Variants in DOK7 observed in about 807,000 individuals in gnomAD.
DOK7 encodes protein Dok-7.
Under a neutral mutation model 30.7 loss-of-function variants are expected in DOK7, and 32 were observed. The ratio of observed to expected loss-of-function variants is 1.04; its 90% CI spans 0.79 to 1.40. The LOEUF is 1.40. DOK7 is among the 40% of genes most tolerant of loss of function. The pLI is 0.00. For missense variants in DOK7, 1,007 were observed against 699.2 expected, an observed-to-expected ratio of 1.44 and a Z score of -4.97; for synonymous variants, 447 against 324.1, an observed-to-expected ratio of 1.38 and a Z score of -4.07.
chr4:3,500,701 C>A, exon 8 of DOK7: 1 of 1,535,818 alleles, frequency 6.5e-7, no homozygotes, highest in African/African-American at 1.4e-5. Flanking sequence ...GGGGCTGGCG[C>A]CTCCCTCTAC....
downstream of DOK7, among the ~76,000 whole-genome samples, chr4:3,496,232 C>G (rs139178976): frequency 3.1e-4 from 47 of 152,378 alleles, no homozygotes; most frequent in African/African-American, 1.1e-3. Flanking sequence ...CCGTTAGGCA[C>G]GGCCCACTTC....
intron 3 of DOK7, among the ~76,000 whole-genome samples, chr4:3,476,054 G>A (rs1413829226): frequency 6.6e-6 from 1 of 151,648 alleles, no homozygotes; most frequent in Admixed American, 6.6e-5. Context: ...CCCCAGCCTG[G>A]CCCCTGCCCC....
chr4:3,496,821 G>A (rs577616504), downstream of DOK7: 742 of 1,535,998 alleles, frequency 4.8e-4, 1 homozygote, highest in Admixed American at 1.8e-3. Context: ...TTGGTCTAGG[G>A]AGCGGCAGCC....
At chr4:3,467,703 C>T (rs1053782917) in intron 2 of DOK7, among the ~76,000 whole-genome samples, 5 of 152,134 alleles carry the variant, frequency 3.3e-5, no homozygotes, top group South Asian at 2.1e-4. Flanking sequence ...TTAGCTCAGG[C>T]GGCTCTTAGC....
chr4:3,485,076 G>C (rs879420070), intron 4 of DOK7, among the ~76,000 whole-genome samples: 1 of 152,148 alleles, frequency 6.6e-6, no homozygotes, highest in Non-Finnish European at 1.5e-5. Context: ...CTGGGACCTT[G>C]GGGCAGAGGA....
intron 4 of DOK7, among the ~76,000 whole-genome samples, chr4:3,480,818 G>A (rs2109355218): frequency 6.6e-6 from 1 of 152,242 alleles, no homozygotes; most frequent in East Asian, 1.9e-4. Flanking sequence ...GCTGGGCCTA[G>A]GGATCAGACG....
chr4:3,490,301 CG>C (rs1398251078), intron 6 of DOK7, among the ~76,000 whole-genome samples: 6 of 84,698 alleles, frequency 7.1e-5, no homozygotes, highest in African/African-American at 2.4e-4. Flanking sequence ...TTTCTTCCTC[CG>C]CCCCCCCGGC....
intron 2 of DOK7, among the ~76,000 whole-genome samples, chr4:3,468,771 T>G (rs1287932040): frequency 1.4e-5 from 2 of 143,648 alleles, no homozygotes; most frequent in Non-Finnish European, 3.0e-5. Flanking sequence ...TGTGTGTGCA[T>G]GTATGTGTGC....
At chr4:3,489,278 C>T (rs761917100) in intron 5 of DOK7, among the ~76,000 whole-genome samples, 30 of 152,016 alleles carry the variant, frequency 2.0e-4, no homozygotes, top group Non-Finnish European at 1.8e-4. Flanking sequence ...AAATGGGCAC[C>T]GTGAATGAGG....
chr4:3,470,932 G>A (rs1211385949), intron 2 of DOK7, among the ~76,000 whole-genome samples: 2 of 152,228 alleles, frequency 1.3e-5, no homozygotes, highest in African/African-American at 2.4e-5. Context: ...TGTCTGCCAG[G>A]GTGTGGCCAA....
At chr4:3,490,428 ATTCATTCCTTCATTTCTCTCCTG>A in intron 6 of DOK7, among the ~76,000 whole-genome samples, 1 of 14,676 alleles carries the variant, frequency 6.8e-5, no homozygotes, top group African/African-American at 2.5e-4. Context: ...CGCCCCGCTC[ATTCATTCCTTCATTTCTCTCCTG>A]CTCATTCATT....
At chr4:3,468,201 AGTG>A (rs1332404353) in intron 2 of DOK7, among the ~76,000 whole-genome samples, 2 of 143,226 alleles carry the variant, frequency 1.4e-5, no homozygotes, top group Non-Finnish European at 3.0e-5. Flanking sequence ...TGTGTGCACA[AGTG>A]TGTGTGTGTG....
rs184556570 is a variant in DOK7 at position 3,493,493 on chromosome 4, C to A, written c.1507C>A (p.Pro503Thr). Residue 503 changes from proline (P) to threonine (T), a missense_variant, in exon 7 of 7, where the codon CCT becomes ACT. Transcript: ENST00000340083. ...PVCGGLKVNP[P>T]P is the part of the protein sequence containing the mutation. ...CTGTGGAGGACTCAAGGTAAACCCC[C>A]CTCCTTGAGAGCCGCAGATCCCGCC... 6.7e-4 allele frequency: 1,072 copies of A among 1,611,192 alleles called. 7 individuals are homozygous for A. The highest frequency in any genetic ancestry group is 4.8e-3 in the Middle Eastern group (29 of 6,002).
rs137988150 is a variant in DOK7, at chr4:3,482,099, T to C, written c.533-3440T>C. On this transcript the variant is annotated intron_variant, in intron 4 of 6. Transcript: ENST00000340083. ...CCTATCCCCCACAACAGGGCTCCTA[T>C]ACAGCCCTTTGGGACACCCGTTTGT... Among the ~76,000 whole-genome samples, 178 of 152,286 alleles carry C rather than the reference T, an allele frequency of 1.2e-3. 1 individual carries two copies. Among genetic ancestry groups the C allele is most frequent in the African/African-American group, 4.0e-3 (165 of 41,550 alleles).
intron 7 of DOK7, chr4:3,500,473 C>T: frequency 6.6e-7 from 1 of 1,512,938 alleles, no homozygotes; most frequent in Non-Finnish European, 8.8e-7. Context: ...GCCCTGAGCC[C>T]CCAGCCCCAC....
chr4:3,494,422 C>T lies in DOK7; in HGVS notation c.*921C>T, dbSNP rs960019525. 1.3e-5 allele frequency: 13 copies of T among 985,630 alleles called. No homozygotes were observed. The highest frequency in any genetic ancestry group is 9.4e-5 in the South Asian group (2 of 21,304). 61.1% of individuals were successfully genotyped at this position (985,630 alleles called of 1,614,324 possible). The stretch of plus-strand genomic sequence containing the variant: ...GAACACCTCTTTGTCCCTTCACTGT[C>T]AGCTGTTTCTAAACCCAGACACTGT... On this transcript the variant is annotated 3_prime_UTR_variant, in exon 7 of 7. Transcript: ENST00000340083.
At chr4:3,468,905 C>G (rs1357999876) in intron 2 of DOK7, among the ~76,000 whole-genome samples, 10 of 134,844 alleles carry the variant, frequency 7.4e-5, no homozygotes, top group African/African-American at 2.6e-4. Flanking sequence ...GTGTGCATGT[C>G]TGTGTGTGTA....
chr4:3,493,968 G>A lies in DOK7; in HGVS notation c.*467G>A, dbSNP rs1021708935. On this transcript the variant is annotated 3_prime_UTR_variant, in exon 7 of 7. Coordinates refer to ENST00000340083, the MANE Select transcript of DOK7 (RefSeq NM_173660.5). Reference sequence around the variant, plus strand: ...AGCATCAAGCTACCACAGAGGCTCCGGCCACCTGGGCTCCACCAGCCCAGC... The same window carrying A: ...AGCATCAAGCTACCACAGAGGCTCCAGCCACCTGGGCTCCACCAGCCCAGC... 34 of 993,646 alleles carry A rather than the reference G, an allele frequency of 3.4e-5. No homozygotes were observed. The highest frequency in any genetic ancestry group is 5.1e-4 in the Middle Eastern group (1 of 1,962). The allele number at this position is 993,646 out of a possible 1,614,324, so 61.6% of individuals were successfully genotyped here. A position where few individuals can be genotyped will look rare whatever the true frequency, so the allele number is the denominator to read the frequency against.
chr4:3,483,394 G>A (rs1012103512), intron 4 of DOK7, among the ~76,000 whole-genome samples: 11 of 152,130 alleles, frequency 7.2e-5, no homozygotes, highest in South Asian at 2.1e-4. Flanking sequence ...CTAGTCGTGC[G>A]GTGTCCTGGG....
Sources: allele counts gnomAD v4.1 joint callset (sites outside exome capture counted in the v4.1 genomes callset), GRCh38; gene constraint gnomAD v4.1.1; transcripts MANE v1.5; gene names NCBI Gene and HGNC (gene_info 2026-07-23, HGNC 2026-07-21).